AGER: variants seen among roughly 807,000 people sequenced by gnomAD.
The protein encoded by AGER is advanced glycosylation end-product specific receptor, also known as advanced glycation end product-specific receptor.
In AGER, 46 loss-of-function variants were observed where a neutral mutation model predicts 48.8. The observed-to-expected ratio is 0.94, with a 90% CI of 0.74 to 1.20. AGER has a LOEUF of 1.20. Ranked by LOEUF, AGER falls within the 50% of genes most tolerant of loss-of-function variation. The probability of loss-of-function intolerance (pLI) is 0.00; values close to 1 mark genes in which losing one functional copy is unlikely to be tolerated. For synonymous variants in AGER, 170 were observed against 199.9 expected (o/e 0.85, Z 1.26); for missense variants, 489 against 515.0 (o/e 0.95, Z 0.49).
Position 32,181,598 on chromosome 6 carries a change from C to A in AGER, c.991+8G>T. The stretch of plus-strand genomic sequence containing the variant: ...CTTCTGCTTCCCTGACTTTATCAAA[C>A]CCCTCACCTGCAGTTGGCCCCTCCT... On this transcript the variant is annotated splice_region_variant and intron_variant, in intron 9 of 10. Transcript: ENST00000375076. The surrounding 1 kb of genome is among the most constrained non-coding windows in gnomAD (Gnocchi z 4.1). The A allele has an allele frequency of 6.2e-7, 1 of 1,613,160 alleles. No individual in the cohort carries two copies. The highest frequency in any genetic ancestry group is 8.5e-7 in the Non-Finnish European group (1 of 1,180,054).
intron 4 of AGER, 36 bp downstream of exon 4, chr6:32,183,288 G>C (rs1372113497): frequency 3.7e-6 from 6 of 1,613,048 alleles, no homozygotes; most frequent in Non-Finnish European, 5.1e-6. Context: ...CCTGTTCACA[G>C]GGCCGTTTTC....
chr6:32,181,098 G>A lies in AGER; in HGVS notation c.*45C>T, dbSNP rs779413134. On this transcript the variant is annotated 3_prime_UTR_variant, in exon 11 of 11. Transcript: ENST00000375076. The surrounding 1 kb of genome is among the most constrained non-coding windows in gnomAD (Gnocchi z 4.1). The stretch of plus-strand genomic sequence containing the variant: ...GGTCTGAGGCCAGAACAGTTCAAGG[G>A]AAAAAGAAAAGGGAGCTGATGGATG... 11 of 1,599,630 alleles carry A rather than the reference G, an allele frequency of 6.9e-6. No homozygotes were observed. The highest frequency in any genetic ancestry group is 9.4e-6 in the Non-Finnish European group (11 of 1,167,334).
chr6:32,183,437 A>T lies in AGER; in HGVS notation c.356-49T>A, dbSNP rs1057367113. On this transcript the variant is annotated intron_variant, in intron 3 of 10. Transcript: ENST00000375076. ...GAGGCTGTAATTGTGAAGGTTCTCA[A>T]ACTCTGTGTGTGGAAATGAGGCCAG... is the stretch of plus-strand genomic sequence containing the variant. The T allele has an allele frequency of 6.2e-6, 10 of 1,609,350 alleles. No homozygotes were observed. In the African/African-American group the frequency reaches 1.2e-4, roughly 19 times the overall value.
At position 32,182,894 on chromosome 6, in the gene AGER, C is replaced by T; in HGVS notation, c.638G>A (p.Gly213Asp). The stretch of plus-strand genomic sequence containing the variant: ...GCGCAAGGCCCGGTGTCGGGGAAGG[C>T]CTGGGCTGAAGCTACAGGAGAAGGT... ...RPTFSCSFSP[G>D]LPRHRALRTA... Residue 213 changes from glycine (G) to aspartate (D), a missense_variant, in exon 6 of 11, where the codon GGC becomes GAC. Coordinates refer to ENST00000375076, the MANE Select transcript of AGER (RefSeq NM_001136.5). This position sits in a 1 kb window ranked among gnomAD's most constrained non-coding sequence, Gnocchi z 5.1. 1.2e-6 allele frequency: 2 copies of T among 1,611,732 alleles called. No homozygotes were observed. The highest frequency in any genetic ancestry group is 1.7e-6 in the Non-Finnish European group (2 of 1,179,440).
Position 32,182,655 on chromosome 6 carries a change from T to C in AGER, c.735A>G (p.Glu245=). Residue 245 remains glutamate, a synonymous_variant, in exon 7 of 11, where the codon GAA becomes GAG. Transcript: ENST00000375076. The surrounding 1 kb of genome is among the most constrained non-coding windows in gnomAD (Gnocchi z 5.1). ...TTCCACCAGGAGCTACTGCTCCACC[T>C]TCTGGCTCCACCACCAATTGGACCT... is the stretch of plus-strand genomic sequence containing the variant. ...LEEVQLVVEP[E]GGAVAPGGTV... is the part of the protein sequence containing the mutation. The C allele has an allele frequency of 6.2e-7, 1 of 1,613,034 alleles. No individual in the cohort carries two copies. The highest frequency in any genetic ancestry group is 2.2e-5 in the East Asian group (1 of 44,880).
chr6:32,183,718 C>T lies in AGER; in HGVS notation c.192G>A (p.Leu64=), dbSNP rs774556924. 2.5e-6 allele frequency: 4 copies of T among 1,612,972 alleles called. No individual in the cohort carries two copies. Among genetic ancestry groups the T allele is most frequent in the Non-Finnish European group, 3.4e-6 (4 of 1,180,038 alleles). ...CCCAGGGGCCTCCTCCCTGGGGAGACAGGACCTTCCAAGCTTCTGTCCGGC... is the reference window on the plus strand; with the variant it reads ...CCCAGGGGCCTCCTCCCTGGGGAGATAGGACCTTCCAAGCTTCTGTCCGGC... ...NTGRTEAWKV[L]SPQGGGPWDS... Residue 64 remains leucine (L), a synonymous_variant, in exon 3 of 11, where the codon CTG becomes CTA. Coordinates refer to ENST00000375076, the MANE Select transcript of AGER (RefSeq NM_001136.5).
In AGER at chr6:32,183,918, G is replaced by A; in HGVS notation, c.122C>T (p.Ala41Val). Residue 41 changes from alanine (A) to valine (V), a missense_variant, in exon 2 of 11, where the codon GCC (alanine) becomes GTC (valine). Transcript: ENST00000375076. ...CAGCCGCTGGGGTGGTTTCTTGGGG[G>A]CCCCCTTACACTTCAGCACCAGTGG... ...GEPLVLKCKGAPKKPPQRLEW... is the reference protein window; with the variant it reads ...GEPLVLKCKGVPKKPPQRLEW... The A allele has an allele frequency of 1.2e-6, 2 of 1,613,088 alleles. No homozygotes were observed. Among genetic ancestry groups the A allele is most frequent in the South Asian group, 1.1e-5 (1 of 91,086 alleles).
chr6:32,183,861 G>C lies in AGER; in HGVS notation c.159+20C>G. 6.2e-7 allele frequency: 1 copy of C among 1,612,868 alleles called. No homozygotes were observed. The highest frequency in any genetic ancestry group is 8.5e-7 in the Non-Finnish European group (1 of 1,179,830). The stretch of plus-strand genomic sequence containing the variant: ...TGGTCTCCCTGGAAGTTGGGAGGCT[G>C]CAACAGGAGCCCCGCTTACCAGTTT... On this transcript the variant is annotated intron_variant, in intron 2 of 10. Coordinates refer to ENST00000375076, the MANE Select transcript of AGER (RefSeq NM_001136.5).
chr6:32,184,102 GGAC>G, intron 1 of AGER, 66 bp downstream of exon 1: 1 of 1,605,046 alleles, frequency 6.2e-7, no homozygotes, highest in South Asian at 1.1e-5. Context: ...AAAAGTTCTA[GGAC>G]GACTGGGGTG....
In AGER at chr6:32,183,370, T is replaced by A. The variant is rs759612451; in HGVS notation, c.374A>T (p.Glu125Val). 1.2e-6 allele frequency: 2 copies of A among 1,613,142 alleles called. No homozygotes were observed. The highest frequency in any genetic ancestry group is 3.3e-5 in the Admixed American group (2 of 60,034). ...GAGTTCAGAGGCAGAATCTACAATTTCTGGCTTCCCAGGAATCTCTGAAGG... is the reference window on the plus strand; with the variant it reads ...GAGTTCAGAGGCAGAATCTACAATTACTGGCTTCCCAGGAATCTCTGAAGG... ...VRVYQIPGKP[E>V]IVDSASELTA... The change falls in exon 4 of 11, where the codon GAA becomes GTA. Residue 125 changes from glutamate (E) to valine (V), a missense_variant. Transcript: ENST00000375076.
rs1786250002 is a variant in AGER at position 32,181,675 on chromosome 6, G to A, written c.965-43C>T. 1.3e-6 allele frequency: 2 copies of A among 1,599,728 alleles called. No homozygotes were observed. Among genetic ancestry groups the A allele is most frequent in the African/African-American group, 1.3e-5 (1 of 74,532 alleles). On this transcript the variant is annotated intron_variant, in intron 8 of 10. Coordinates refer to ENST00000375076, the MANE Select transcript of AGER (RefSeq NM_001136.5). This position sits in a 1 kb window ranked among gnomAD's most constrained non-coding sequence, Gnocchi z 4.1. ...ATCCAGTCAGAAAGGAAGACTTCGG[G>A]TTGAGAGAGGGTTATTTAGTGGGAG...
Position 32,181,545 on chromosome 6 carries a change from C to G in AGER, c.991+61G>C. The G allele has an allele frequency of 6.2e-7, 1 of 1,613,072 alleles. No homozygotes were observed. Among genetic ancestry groups the G allele is most frequent in the South Asian group, 1.1e-5 (1 of 91,086 alleles). On this transcript the variant is annotated intron_variant, in intron 9 of 10. Coordinates refer to ENST00000375076, the MANE Select transcript of AGER (RefSeq NM_001136.5). This position sits in a 1 kb window ranked among gnomAD's most constrained non-coding sequence, Gnocchi z 4.1. ...TCACCATTCCTTTCTTGTTGACCATCCCCCCAGTCACATGTGTTGGGGGCT... is the reference window on the plus strand; with the variant it reads ...TCACCATTCCTTTCTTGTTGACCATGCCCCCAGTCACATGTGTTGGGGGCT...
Position 32,182,658 on chromosome 6 carries a change from T to C in AGER, c.732A>G (p.Pro244=). 2 of 1,613,046 alleles carry C rather than the reference T, an allele frequency of 1.2e-6. No homozygotes were observed. The highest frequency in any genetic ancestry group is 1.7e-6 in the Non-Finnish European group (2 of 1,179,982). The part of the protein sequence containing the change: ...PLEEVQLVVE[P]EGGAVAPGGT... ...CACCAGGAGCTACTGCTCCACCTTCTGGCTCCACCACCAATTGGACCTCCT... is the reference window on the plus strand; with the variant it reads ...CACCAGGAGCTACTGCTCCACCTTCCGGCTCCACCACCAATTGGACCTCCT... The change falls in exon 7 of 11, where the codon CCA becomes CCG. Residue 244 remains proline (P), a synonymous_variant. Coordinates refer to ENST00000375076, the MANE Select transcript of AGER (RefSeq NM_001136.5). This position sits in a 1 kb window ranked among gnomAD's most constrained non-coding sequence, Gnocchi z 5.1.
chr6:32,184,098 T>C (rs978970982), intron 1 of AGER, 73 bp downstream of exon 1: 1 of 1,606,266 alleles, frequency 6.2e-7, no homozygotes, highest in Non-Finnish European at 8.5e-7. Context: ...TGGGAAAAGT[T>C]CTAGGACGAC....
Position 32,182,462 on chromosome 6 carries a change from C to G in AGER, c.823-74G>C. 1 of 1,587,522 alleles carries G rather than the reference C, an allele frequency of 6.3e-7. No homozygotes were observed. The highest frequency in any genetic ancestry group is 8.6e-7 in the Non-Finnish European group (1 of 1,165,672). On this transcript the variant is annotated intron_variant, in intron 7 of 10. Transcript: ENST00000375076. This position sits in a 1 kb window ranked among gnomAD's most constrained non-coding sequence, Gnocchi z 5.1. ...GTCTCCATATCTTCAGATACCCTCT[C>G]TTCCTCCTCAGCTCCTAGCCTGCCT...
Position 32,183,384 on chromosome 6 carries a change from A to G in AGER, c.360T>C (p.Ile120=). The change falls in exon 4 of 11, where the codon ATT becomes ATC. Residue 120 remains isoleucine (I), a synonymous_variant. Transcript: ENST00000375076. The part of the protein sequence containing the change: ...KSNYRVRVYQ[I]PGKPEIVDSA... ...AATCTACAATTTCTGGCTTCCCAGG[A>G]ATCTCTGAAGGAGGAAAAATCCAGT... 6.2e-7 allele frequency: 1 copy of G among 1,613,072 alleles called. No individual in the cohort carries two copies. The highest frequency in any genetic ancestry group is 8.5e-7 in the Non-Finnish European group (1 of 1,180,014).
In AGER at chr6:32,181,277, G is replaced by A. The variant is rs752089701; in HGVS notation, c.1119-38C>T. 5.0e-6 allele frequency: 8 copies of A among 1,613,770 alleles called. No individual in the cohort carries two copies. In the East Asian group the frequency reaches 8.9e-5, roughly 18 times the overall value. On this transcript the variant is annotated intron_variant, in intron 10 of 10. Coordinates refer to ENST00000375076, the MANE Select transcript of AGER (RefSeq NM_001136.5). This position sits in a 1 kb window ranked among gnomAD's most constrained non-coding sequence, Gnocchi z 4.1. ...ATTGGGGGGAATGCGGCACGTTGTC[G>A]TTCCACCCCCCGACCCCTCTTCGCT... is the stretch of plus-strand genomic sequence containing the variant.
In AGER at chr6:32,181,723, C is replaced by CTTTT; in HGVS notation, c.965-95_965-92dup. 9.6e-7 allele frequency: 1 copy of CTTTT among 1,037,556 alleles called. No homozygotes were observed. Among genetic ancestry groups the CTTTT allele is most frequent in the Non-Finnish European group, 1.3e-6 (1 of 747,826 alleles). 64.3% of individuals were successfully genotyped at this position (1,037,556 alleles called of 1,614,324 possible). A position where few individuals can be genotyped will look rare whatever the true frequency, so the allele number is the denominator to read the frequency against. On this transcript the variant is annotated intron_variant, in intron 8 of 10. Coordinates refer to ENST00000375076, the MANE Select transcript of AGER (RefSeq NM_001136.5). This position sits in a 1 kb window ranked among gnomAD's most constrained non-coding sequence, Gnocchi z 4.1. ...GAGCCCCAGTGGAGTCTTTCCCTTT[C>CTTTT]TTTTTTTTTTTGAGATGGAGTTTCA...
At position 32,181,252 on chromosome 6, in the gene AGER, A is replaced by G. The variant is rs374700378; in HGVS notation, c.1119-13T>C. The G allele has an allele frequency of 3.1e-6, 5 of 1,613,880 alleles. No individual in the cohort carries two copies. In the African/African-American group the frequency reaches 4.0e-5, roughly 13 times the overall value. On this transcript the variant is annotated splice_polypyrimidine_tract_variant and intron_variant, in intron 10 of 10. Coordinates refer to ENST00000375076, the MANE Select transcript of AGER (RefSeq NM_001136.5). The surrounding 1 kb of genome is among the most constrained non-coding windows in gnomAD (Gnocchi z 4.1). ...TTCTGGGGCCTTCCTGAGGAGAAAG[A>G]TTGGGGGGAATGCGGCACGTTGTCG... is the stretch of plus-strand genomic sequence containing the variant.
Sources: gnomAD v4.1 joint callset for allele counts on GRCh38, gnomAD v4.1.1 for gene constraint, Gnocchi (gnomAD v3.1) non-coding constraint, MANE v1.5 for transcripts, NCBI Gene and HGNC (gene_info 2026-07-23, HGNC 2026-07-21) for gene names.